Variants in MAGI2 observed in about 807,000 individuals in gnomAD.
MAGI2 encodes membrane associated guanylate kinase, WW and PDZ domain containing 2.
MAGI2 carries 35 observed loss-of-function variants against 133.3 expected under a neutral mutation model. That is an observed-to-expected ratio of 0.26 (90% CI 0.20 to 0.35). The LOEUF (loss-of-function observed/expected upper bound fraction) is 0.35, where lower values mean the gene tolerates loss of function less well. MAGI2 is among the 10% of genes least tolerant of loss of function. The pLI, the probability that MAGI2 is intolerant of heterozygous loss-of-function variation, is 1.00. For missense variants in MAGI2, 1,636 were observed against 1,863.4 expected (o/e 0.88, Z 2.25); for synonymous variants, 729 against 710.6 (o/e 1.03, Z -0.41).
At chr7:79,168,919 T>TATATATATAG (rs1562958651) in intron 1 of MAGI2, among the ~76,000 whole-genome samples, 16 of 133,226 alleles carry the variant, frequency 1.2e-4, no homozygotes, top group African/African-American at 5.2e-4. Context: ...TATATATATA[T>TATATATATAG]ATATATATAT....
At chr7:78,095,460 T>C (rs1817610293) in intron 20 of MAGI2, among the ~76,000 whole-genome samples, 1 of 152,190 alleles carries the variant, frequency 6.6e-6, no homozygotes, top group Non-Finnish European at 1.5e-5. Flanking sequence ...GTGGGAGTGC[T>C]GGCTTCTCTA....
chr7:79,286,913 G>A (rs776306976), intron 1 of MAGI2, among the ~76,000 whole-genome samples: 3 of 152,078 alleles, frequency 2.0e-5, no homozygotes, highest in African/African-American at 7.2e-5. Flanking sequence ...TAGATTGCGT[G>A]GTGGTCAAGT....
intron 2 of MAGI2, among the ~76,000 whole-genome samples, chr7:78,750,022 A>G (rs1436749412): frequency 6.6e-6 from 1 of 152,012 alleles, no homozygotes; most frequent in Non-Finnish European, 1.5e-5. Flanking sequence ...TCCTAATGCT[A>G]TCCCTCCTCT....
At chr7:78,953,270 G>T (rs747995200) in intron 2 of MAGI2, among the ~76,000 whole-genome samples, 1 of 152,134 alleles carries the variant, frequency 6.6e-6, no homozygotes. Flanking sequence ...GAATGCACAT[G>T]TGGTGAACGT....
At chr7:79,274,406 T>G (rs1429460496) in intron 1 of MAGI2, among the ~76,000 whole-genome samples, 2 of 151,906 alleles carry the variant, frequency 1.3e-5, no homozygotes, top group Non-Finnish European at 2.9e-5. Context: ...TTTTTCAAAT[T>G]TATTAGATCA....
chr7:79,096,620 A>G lies in MAGI2; in HGVS notation c.302-89414T>C, dbSNP rs557185993. ...AATGTTATAATGTTTTCAAGAATTT[A>G]AAACCTTCAAGATCCTGATAGTATC... On this transcript the variant is annotated intron_variant, in intron 1 of 21. Coordinates refer to ENST00000354212, the MANE Select transcript of MAGI2 (RefSeq NM_012301.4). 2.6e-5 allele frequency among the ~76,000 whole-genome samples: 4 copies of G among 152,372 alleles called. No individual in the cohort carries two copies. In the South Asian group the frequency reaches 8.3e-4, roughly 32 times the overall value.
intron 2 of MAGI2, among the ~76,000 whole-genome samples, chr7:78,822,453 A>G (rs946993430): frequency 6.6e-6 from 1 of 151,970 alleles, no homozygotes; most frequent in African/African-American, 2.4e-5. Flanking sequence ...TAAATTGTAT[A>G]TTTTCAATTT....
chr7:78,793,469 C>T (rs774738911), intron 2 of MAGI2, among the ~76,000 whole-genome samples: 10 of 152,056 alleles, frequency 6.6e-5, no homozygotes, highest in Non-Finnish European at 1.2e-4. Context: ...AAAATGTTAG[C>T]GCAAAGTCTG....
intron 21 of MAGI2, among the ~76,000 whole-genome samples, chr7:78,047,779 G>A (rs557806729): frequency 5.9e-5 from 9 of 152,292 alleles, no homozygotes; most frequent in South Asian, 2.1e-4. Context: ...GCCTCCCACC[G>A]TCTCTTGGGA....
chr7:79,084,162 C>G (rs1226089853), intron 1 of MAGI2, among the ~76,000 whole-genome samples: 1 of 151,582 alleles, frequency 6.6e-6, no homozygotes, highest in South Asian at 2.1e-4. Flanking sequence ...TATTTGCACT[C>G]TAATGTTCAT....
chr7:79,062,074 C>T (rs944998372), intron 1 of MAGI2, among the ~76,000 whole-genome samples: 3 of 152,056 alleles, frequency 2.0e-5, no homozygotes, highest in Admixed American at 2.0e-4. Context: ...TATTTGATTA[C>T]AATTGCCACC....
At chr7:78,868,520 T>C (rs1239698349) in intron 2 of MAGI2, among the ~76,000 whole-genome samples, 1 of 152,182 alleles carries the variant, frequency 6.6e-6, no homozygotes, top group East Asian at 1.9e-4. Context: ...GATTAAAATT[T>C]AGCTATTGTA....
At chr7:79,452,210 G>GGACAACCATTCATCTCCTCC (rs987650268) in intron 1 of MAGI2, among the ~76,000 whole-genome samples, 7 of 151,972 alleles carry the variant, frequency 4.6e-5, no homozygotes, top group Admixed American at 3.9e-4. Context: ...AAGTCCATGC[G>GGACAACCATTCATCTCCTCC]GACAACCATT....
At chr7:78,764,049 T>C (rs187261439) in intron 2 of MAGI2, among the ~76,000 whole-genome samples, 3 of 152,316 alleles carry the variant, frequency 2.0e-5, no homozygotes, top group Non-Finnish European at 4.4e-5. Flanking sequence ...TGCTGTGGTT[T>C]AAGGACAACT....
chr7:79,435,659 T>G (rs1044050153), intron 1 of MAGI2, among the ~76,000 whole-genome samples: 34 of 152,292 alleles, frequency 2.2e-4, no homozygotes, highest in African/African-American at 7.7e-4. Flanking sequence ...TTGGCAGAAT[T>G]AATATAATTA....
Position 78,256,221 on chromosome 7 carries a change from T to C in MAGI2, c.1769A>G (p.Asn590Ser), listed in dbSNP as rs900483457. The C allele has an allele frequency of 8.1e-6, 13 of 1,613,912 alleles. No homozygotes were observed. Among genetic ancestry groups the C allele is most frequent in the Non-Finnish European group, 1.1e-5 (13 of 1,179,996 alleles). The change falls in exon 10 of 22, where the codon AAT (asparagine) becomes AGT (serine). Residue 590 changes from asparagine to serine, a missense_variant. Physicochemically the swap from Asn to Ser is conservative, Grantham distance 46. Transcript: ENST00000354212. ...GTYPPPVHDD[N>S]VSMASSGATQ... Reference sequence around the variant, plus strand: ...GGCCCCAGATGAAGCCATAGACACATTGTCATCATGGACGGGCGGTGGATA... The same window carrying C: ...GGCCCCAGATGAAGCCATAGACACACTGTCATCATGGACGGGCGGTGGATA...
At chr7:79,217,634 T>A (rs745871124) in intron 1 of MAGI2, among the ~76,000 whole-genome samples, 1 of 152,026 alleles carries the variant, frequency 6.6e-6, no homozygotes, top group Non-Finnish European at 1.5e-5. Flanking sequence ...GACTCTAAAC[T>A]CATTAGAATA....
chr7:78,791,530 T>C (rs1378560199), intron 2 of MAGI2, among the ~76,000 whole-genome samples: 1 of 151,420 alleles, frequency 6.6e-6, no homozygotes, highest in Non-Finnish European at 1.5e-5. Flanking sequence ...TGGCTAACCC[T>C]GAGAAACAAT....
At chr7:79,118,605 G>A (rs1819607356) in intron 1 of MAGI2, among the ~76,000 whole-genome samples, 1 of 152,148 alleles carries the variant, frequency 6.6e-6, no homozygotes, top group African/African-American at 2.4e-5. Flanking sequence ...AGAAAACTCT[G>A]GTGATAGCTT....
Sources: allele counts gnomAD v4.1 joint callset (sites outside exome capture counted in the v4.1 genomes callset), GRCh38; gene constraint gnomAD v4.1.1; transcripts MANE v1.5; gene names NCBI Gene and HGNC (gene_info 2026-07-23, HGNC 2026-07-21).